CSTPP1: variants seen among roughly 807,000 people sequenced by gnomAD.
CSTPP1 encodes the protein centriolar satellite-associated tubulin polyglutamylase complex regulator 1, also known as UPF0705 protein C11orf49.
chr11:47,095,856 A>AT, the CSTPP1 span, among the ~76,000 whole-genome samples: 1,991 of 152,010 alleles, frequency 0.013, 49 homozygotes, highest in African/African-American at 0.045. Context: ...GCAAAACCTG[A>AT]TTTTTTTTGC....
At chr11:46,998,341 C>A in the CSTPP1 span, among the ~76,000 whole-genome samples, 2 of 152,158 alleles carry the variant, frequency 1.3e-5, no homozygotes, top group African/African-American at 4.8e-5. Flanking sequence ...CTGTAGGCAG[C>A]TTTTATCTAC....
At chr11:47,110,077 CTG>C in the CSTPP1 span, among the ~76,000 whole-genome samples, 1 of 152,214 alleles carries the variant, frequency 6.6e-6, no homozygotes. Context: ...CCCTCAGTCA[CTG>C]TGTATCACAC....
the CSTPP1 span, among the ~76,000 whole-genome samples, chr11:47,028,915 GT>G: frequency 6.6e-6 from 1 of 151,820 alleles, no homozygotes; most frequent in African/African-American, 2.4e-5. Context: ...TTGGCTCACT[GT>G]AACCTCTCCC....
At chr11:46,978,493 C>A in the CSTPP1 span, among the ~76,000 whole-genome samples, 1 of 152,110 alleles carries the variant, frequency 6.6e-6, no homozygotes, top group Admixed American at 6.6e-5. Context: ...GTTTTTATAC[C>A]ATTAATTTAG....
the CSTPP1 span, among the ~76,000 whole-genome samples, chr11:46,993,247 C>A: frequency 6.6e-6 from 1 of 152,072 alleles, no homozygotes; most frequent in Non-Finnish European, 1.5e-5. Flanking sequence ...TTTAATTATA[C>A]CCCATTTCTC....
At chr11:47,154,665 G>A in the CSTPP1 span, among the ~76,000 whole-genome samples, 11 of 152,146 alleles carry the variant, frequency 7.2e-5, no homozygotes, top group African/African-American at 9.6e-5. Context: ...GGTGTCTGTC[G>A]CTGTTCTGGC....
At chr11:47,164,368 A>G in the CSTPP1 span, 6 of 1,191,938 alleles carry the variant, frequency 5.0e-6, no homozygotes, top group East Asian at 1.6e-4. Flanking sequence ...GTTTCAATAC[A>G]AACAGTCCAG....
the CSTPP1 span, among the ~76,000 whole-genome samples, chr11:46,964,099 A>G: frequency 1.3e-5 from 2 of 152,208 alleles, no homozygotes; most frequent in South Asian, 4.2e-4. Context: ...TATCAGAGCT[A>G]TCTTTCTAAA....
chr11:47,008,979 C>G, the CSTPP1 span, among the ~76,000 whole-genome samples: 1 of 151,148 alleles, frequency 6.6e-6, no homozygotes, highest in Non-Finnish European at 1.5e-5. Flanking sequence ...TGCAGTGAGC[C>G]AAGATCACAC....
At chr11:46,957,336 T>A in the CSTPP1 span, among the ~76,000 whole-genome samples, 1 of 152,196 alleles carries the variant, frequency 6.6e-6, no homozygotes, top group Admixed American at 6.5e-5. Flanking sequence ...TTTCCTTACA[T>A]GTTCCTTCTT....
At chr11:47,139,188 G>A in the CSTPP1 span, among the ~76,000 whole-genome samples, 1 of 152,036 alleles carries the variant, frequency 6.6e-6, no homozygotes, top group Non-Finnish European at 1.5e-5. Context: ...ATGATCCTTT[G>A]TGGTTTCTGT....
At chr11:46,955,813 G>A in the CSTPP1 span, among the ~76,000 whole-genome samples, 41 of 146,990 alleles carry the variant, frequency 2.8e-4, no homozygotes, top group African/African-American at 1.0e-3. Flanking sequence ...ACAACACGGT[G>A]AAACCCCGTC....
At chr11:47,058,613 G>A in the CSTPP1 span, among the ~76,000 whole-genome samples, 1 of 152,076 alleles carries the variant, frequency 6.6e-6, no homozygotes, top group East Asian at 1.9e-4. Flanking sequence ...GATAATAATA[G>A]CAATTAACAT....
chr11:47,004,755 T>TCC, the CSTPP1 span, among the ~76,000 whole-genome samples: 2 of 152,206 alleles, frequency 1.3e-5, no homozygotes, highest in African/African-American at 4.8e-5. Context: ...CTTGTGTTGT[T>TCC]CCCACTCTTA....
At chr11:47,145,939 G>A in the CSTPP1 span, among the ~76,000 whole-genome samples, 1 of 149,884 alleles carries the variant, frequency 6.7e-6, no homozygotes, top group East Asian at 1.9e-4. Flanking sequence ...TTTTAAGATG[G>A]GGTCTTGCTG....
chr11:47,133,300 G>A, the CSTPP1 span, among the ~76,000 whole-genome samples: 2 of 152,222 alleles, frequency 1.3e-5, no homozygotes, highest in African/African-American at 4.8e-5. Context: ...CACAAAAGGA[G>A]ACACACAAAT....
At chr11:47,118,665 T>C in the CSTPP1 span, among the ~76,000 whole-genome samples, 1 of 152,170 alleles carries the variant, frequency 6.6e-6, no homozygotes, top group East Asian at 1.9e-4. Context: ...TTGATGTTGA[T>C]GCTATTCCTT....
At chr11:47,113,066 C>T in the CSTPP1 span, among the ~76,000 whole-genome samples, 1 of 152,220 alleles carries the variant, frequency 6.6e-6, no homozygotes, top group African/African-American at 2.4e-5. Context: ...GTTCAATTCC[C>T]ACCTATGAGT....
At chr11:46,942,642 A>G in the CSTPP1 span, among the ~76,000 whole-genome samples, 13 of 152,104 alleles carry the variant, frequency 8.5e-5, no homozygotes, top group East Asian at 1.2e-3. Context: ...TAAATTGGGT[A>G]GTTTTTTTTT....
Sources: allele counts gnomAD v4.1 joint callset (sites outside exome capture counted in the v4.1 genomes callset), GRCh38; gene constraint gnomAD v4.1.1; transcripts MANE v1.5; gene names NCBI Gene and HGNC (gene_info 2026-07-23, HGNC 2026-07-21).